TNRC6B: variants seen among roughly 807,000 people sequenced by gnomAD.
The protein encoded by TNRC6B is trinucleotide repeat-containing gene 6B protein.
TNRC6B carries 52 observed loss-of-function variants against 203.6 expected under a neutral mutation model. The observed-to-expected ratio is 0.26, with a 90% CI of 0.20 to 0.32. The LOEUF is 0.32. Ranked by LOEUF, TNRC6B falls within the 10% of genes least tolerant of loss-of-function variation. The pLI, the probability that TNRC6B is intolerant of heterozygous loss-of-function variation, is 1.00. For synonymous variants in TNRC6B, 838 were observed against 845.7 expected (o/e 0.99, Z 0.16); for missense variants, 1,923 against 2,286.2 (o/e 0.84, Z 3.24).
intron 12 of TNRC6B, among the ~76,000 whole-genome samples, chr22:40,292,051 G>C (rs1418253003): frequency 6.6e-6 from 1 of 152,198 alleles, no homozygotes; most frequent in African/African-American, 2.4e-5. Context: ...AAACTTAACT[G>C]GGTGTGGTGG....
chr22:40,300,390 C>T, intron 12 of TNRC6B, 65 bp from the exon 13 acceptor site: 1 of 1,411,276 alleles, frequency 7.1e-7, no homozygotes. Flanking sequence ...CACAGAAAAA[C>T]AGTTTTATTT....
chr22:40,072,570 A>T (rs933531410), intron 1 of TNRC6B, among the ~76,000 whole-genome samples: 1 of 152,176 alleles, frequency 6.6e-6, no homozygotes, highest in Non-Finnish European at 1.5e-5. Flanking sequence ...AACTTAGTCA[A>T]GAACTGTCTT....
chr22:40,315,922 A>AT lies in TNRC6B; in HGVS notation c.4904-15dup. The AT allele has an allele frequency of 1.2e-6, 2 of 1,605,112 alleles. No individual in the cohort carries two copies. The highest frequency in any genetic ancestry group is 1.7e-6 in the Non-Finnish European group (2 of 1,173,990). ...TTTTGTTTTATTTCTCTTCCTAACC[A>AT]TTTTTCTGGTTGCTCATAGCCTCTA... On this transcript the variant is annotated intron_variant, in intron 20 of 22. Transcript: ENST00000454349.
At chr22:40,180,066 G>T (rs1267029145) in intron 1 of TNRC6B, among the ~76,000 whole-genome samples, 2 of 152,132 alleles carry the variant, frequency 1.3e-5, no homozygotes, top group Admixed American at 6.6e-5. Flanking sequence ...ACATTAAAGA[G>T]GTAGTCTGGA....
intron 1 of TNRC6B, among the ~76,000 whole-genome samples, chr22:40,048,614 A>G (rs1276836880): frequency 6.6e-6 from 1 of 151,960 alleles, no homozygotes; most frequent in African/African-American, 2.4e-5. Context: ...GCAGCAGTCA[A>G]TCCTTTTTGA....
At position 40,267,054 on chromosome 22, in the gene TNRC6B, C is replaced by G; in HGVS notation, c.2806+18C>G. The G allele has an allele frequency of 2.0e-6, 3 of 1,525,348 alleles. No individual in the cohort carries two copies. In the South Asian group the frequency reaches 3.9e-5, roughly 20 times the overall value. The allele number at this position is 1,525,348 out of a possible 1,614,324, so 94.5% of individuals were successfully genotyped here. ...GGCATCAGGTAAGCAGTGGCTTTCTCTTGCAGCTTTTGATGAAGAAAAGGA... is the reference window on the plus strand; with the variant it reads ...GGCATCAGGTAAGCAGTGGCTTTCTGTTGCAGCTTTTGATGAAGAAAAGGA... On this transcript the variant is annotated intron_variant, in intron 5 of 22. Coordinates refer to ENST00000454349, the MANE Select transcript of TNRC6B (RefSeq NM_001162501.2).
intron 1 of TNRC6B, among the ~76,000 whole-genome samples, chr22:40,072,473 G>A (rs2067959623): frequency 6.6e-6 from 1 of 152,128 alleles, no homozygotes; most frequent in Non-Finnish European, 1.5e-5. Context: ...AAACATGAAT[G>A]TCCTTTTTGG....
At chr22:40,245,938 T>C (rs1248550283) in intron 1 of TNRC6B, 77 bp from the exon 2 acceptor site, 1 of 1,173,444 alleles carries the variant, frequency 8.5e-7, no homozygotes, top group Non-Finnish European at 1.2e-6. Context: ...GCCCACCACT[T>C]ACAAGCATTC....
intron 1 of TNRC6B, among the ~76,000 whole-genome samples, chr22:40,096,693 T>TA (rs1415976038): frequency 1.3e-5 from 2 of 152,206 alleles, no homozygotes; most frequent in Non-Finnish European, 2.9e-5. Context: ...CTATGCCAGA[T>TA]ATATGCCAAC....
intron 21 of TNRC6B, among the ~76,000 whole-genome samples, chr22:40,316,656 G>A (rs373273268): frequency 2.6e-5 from 4 of 152,264 alleles, no homozygotes; most frequent in East Asian, 1.9e-4. Context: ...AATAGATGTG[G>A]GAGGCTGGCA....
chr22:40,164,207 ACCCAT>A lies in TNRC6B; in HGVS notation c.113+8027_113+8031del, dbSNP rs567984427. Among the ~76,000 whole-genome samples, 402 of 136,008 alleles carry A rather than the reference ACCCAT, an allele frequency of 3.0e-3. 1 individual carries two copies. Among genetic ancestry groups the A allele is most frequent in the Non-Finnish European group, 5.3e-3 (343 of 64,346 alleles). The allele number at this position is 136,008 out of a possible 152,430, so 89.2% of individuals were successfully genotyped here. ...GACCAGCCTGACCAGCATGGTGAAA[ACCCAT>A]CTCTACTAAAAAGAAAAAAAAAAAA... On this transcript the variant is annotated intron_variant, in intron 4 of 23. Transcript: ENST00000301923.
chr22:40,171,889 ACCTC>A (rs1347325369), intron 4 of TNRC6B, among the ~76,000 whole-genome samples: 1 of 151,432 alleles, frequency 6.6e-6, no homozygotes, highest in Non-Finnish European at 1.5e-5. Context: ...TTGATGGAGT[ACCTC>A]TCTGTTGCCC....
intron 3 of TNRC6B, among the ~76,000 whole-genome samples, chr22:40,129,227 TCA>T (rs1491080331): frequency 6.6e-6 from 1 of 152,132 alleles, no homozygotes; most frequent in Non-Finnish European, 1.5e-5. Context: ...TTGCAAGACC[TCA>T]GAGGCCACAG....
At chr22:40,178,268 C>A in intron 1 of TNRC6B, 128 bp downstream of exon 1, 1 of 1,056,790 alleles carries the variant, frequency 9.5e-7, no homozygotes, top group Non-Finnish European at 1.4e-6. Flanking sequence ...TTTCGTGGAT[C>A]TGTGTAAATC....
At chr22:40,112,085 G>A (rs1442811069) in intron 1 of TNRC6B, among the ~76,000 whole-genome samples, 1 of 152,170 alleles carries the variant, frequency 6.6e-6, no homozygotes, top group Non-Finnish European at 1.5e-5. Flanking sequence ...GGGCAACAGA[G>A]TGAGACTCCC....
At chr22:40,164,980 G>C (rs1359134331) in intron 4 of TNRC6B, among the ~76,000 whole-genome samples, 20 of 150,844 alleles carry the variant, frequency 1.3e-4, no homozygotes, top group African/African-American at 4.6e-4. Context: ...CACGGTTTCA[G>C]CATGTTGGCC....
chr22:40,215,592 C>T (rs1001118679), intron 1 of TNRC6B, among the ~76,000 whole-genome samples: 2 of 152,206 alleles, frequency 1.3e-5, no homozygotes, highest in Admixed American at 6.5e-5. Context: ...GGTCCATCTT[C>T]GCTGCATCCT....
At position 40,302,618 on chromosome 22, in the gene TNRC6B, G is replaced by A. The variant is rs1469821844; in HGVS notation, c.4120+1285G>A. On this transcript the variant is annotated intron_variant, in intron 15 of 22. Transcript: ENST00000454349. ...CCTGCACTCCCACCTGGGTGATAGA[G>A]CAAGACCCCATCTCAAAAAAAAAAA... is the stretch of plus-strand genomic sequence containing the variant. 4.1e-5 allele frequency among the ~76,000 whole-genome samples: 6 copies of A among 146,354 alleles called. No individual in the cohort carries two copies. The East Asian group carries it at 8.0e-4, about 20-fold the overall frequency.
chr22:40,082,048 A>G (rs1601804869), intron 1 of TNRC6B, among the ~76,000 whole-genome samples: 2 of 152,286 alleles, frequency 1.3e-5, no homozygotes, highest in South Asian at 4.2e-4. Flanking sequence ...ATAATGAGAG[A>G]AAAAGATGTA....
Sources: allele counts gnomAD v4.1 joint callset (sites outside exome capture counted in the v4.1 genomes callset), GRCh38; gene constraint gnomAD v4.1.1; transcripts MANE v1.5; gene names NCBI Gene and HGNC (gene_info 2026-07-23, HGNC 2026-07-21).